OVGP1: variants seen among roughly 807,000 people sequenced by gnomAD.
OVGP1 encodes the protein oviductal glycoprotein 1, also known as oviduct-specific glycoprotein.
Under a neutral mutation model 48.2 loss-of-function variants are expected in OVGP1, and 26 were observed. The observed-to-expected ratio is 0.54, with a 90% CI of 0.40 to 0.75. The LOEUF is 0.75. Ranked by LOEUF, OVGP1 falls within the 30% of genes least tolerant of loss-of-function variation. The probability of loss-of-function intolerance (pLI) is 0.00; values close to 1 mark genes in which losing one functional copy is unlikely to be tolerated. For synonymous variants in OVGP1, 294 were observed against 305.7 expected, an observed-to-expected ratio of 0.96 and a Z score of 0.40; for missense variants, 791 against 820.6, an observed-to-expected ratio of 0.96 and a Z score of 0.44.
At chr1:111,425,244 G>A in intron 4 of OVGP1, 139 bp downstream of exon 4, 1 of 897,208 alleles carries the variant, frequency 1.1e-6, no homozygotes. Context: ...TGAGTGCAGG[G>A]GTCTAAGATT....
rs1379112726 is a variant in OVGP1 at position 111,425,448 on chromosome 1, TGA to T, written c.261-11_261-10del. ...TTTTCAGCTCTCTGTTCCTATGATG[TGA>T]GAGAGAGGGTTGATGAGCTGGGTTC... On this transcript the variant is annotated splice_polypyrimidine_tract_variant and intron_variant, in intron 3 of 10. Transcript: ENST00000369732. The T allele has an allele frequency of 2.5e-6, 4 of 1,613,938 alleles. No individual in the cohort carries two copies. Among genetic ancestry groups the T allele is most frequent in the Admixed American group, 1.7e-5 (1 of 59,996 alleles).
rs1652078142 is a variant in OVGP1 at position 111,414,738 on chromosome 1, T to A, written c.1763A>T (p.Gln588Leu). Residue 588 changes from glutamine to leucine, a missense_variant, in exon 11 of 11, where the codon CAG becomes CTG. Physicochemically the swap from Gln to Leu is moderately radical, Grantham distance 113. Transcript: ENST00000369732. ...ATTCTCCCCTCTTAAAGGCATAGTCTGCCCTTCAGGGGTGACTGATATGTT... is the reference window on the plus strand; with the variant it reads ...ATTCTCCCCTCTTAAAGGCATAGTCAGCCCTTCAGGGGTGACTGATATGTT... ...SRNISVTPEG[Q>L]TMPLRGENLT... 2 of 1,613,446 alleles carry A rather than the reference T, an allele frequency of 1.2e-6. No individual in the cohort carries two copies. The highest frequency in any genetic ancestry group is 1.7e-5 in the Admixed American group (1 of 59,998).
chr1:111,427,130 A>G, intron 1 of OVGP1, 39 bp from the exon 2 acceptor site: 1 of 1,613,782 alleles, frequency 6.2e-7, no homozygotes, highest in South Asian at 1.1e-5. Context: ...AGAGATTCAT[A>G]CCCTCACCAG....
chr1:111,421,890 G>C (rs1333264543), intron 6 of OVGP1, among the ~76,000 whole-genome samples: 1 of 152,190 alleles, frequency 6.6e-6, no homozygotes, highest in Non-Finnish European at 1.5e-5. Context: ...CATCCTGAGA[G>C]TACCTGTGGA....
chr1:111,415,044 G>A lies in OVGP1; in HGVS notation c.1457C>T (p.Ser486Phe), dbSNP rs930512117. 4.3e-6 allele frequency: 7 copies of A among 1,613,130 alleles called. No individual in the cohort carries two copies. Among genetic ancestry groups the A allele is most frequent in the Non-Finnish European group, 5.9e-6 (7 of 1,179,218 alleles). The change falls in exon 11 of 11, where the codon TCC becomes TTC. Residue 486 changes from serine (S) to phenylalanine (F), a missense_variant. By Grantham distance (155) the Ser-to-Phe change is radical. Transcript: ENST00000369732. ...CAGGGCCTTCTCTCCAGGGGTCATG[G>A]ACTGATGACCCACAGAAGTCATGGT... ...AMTMTSVGHQSMTPGEKALTP... is the reference protein window; with the variant it reads ...AMTMTSVGHQFMTPGEKALTP...
chr1:111,419,772 T>C, intron 8 of OVGP1, 46 bp from the exon 9 acceptor site: 2 of 1,123,018 alleles, frequency 1.8e-6, no homozygotes, highest in Non-Finnish European at 2.7e-6. Context: ...GCCATGGAGA[T>C]AAGCACCAAG....
Position 111,423,039 on chromosome 1 carries a change from C to T in OVGP1, c.496G>A (p.Ala166Thr), listed in dbSNP as rs1393286561. The T allele has an allele frequency of 6.2e-7, 1 of 1,613,910 alleles. No individual in the cohort carries two copies. The highest frequency in any genetic ancestry group is 1.3e-5 in the African/African-American group (1 of 74,898). Residue 166 changes from alanine (A) to threonine (T), a missense_variant, in exon 6 of 11, where the codon GCC becomes ACC. Coordinates refer to ENST00000369732, the MANE Select transcript of OVGP1 (RefSeq NM_002557.4). ...FLFLIEELLF[A>T]FRKEALLTMR... The stretch of plus-strand genomic sequence containing the variant: ...GTGAGCAGTGCCTCCTTCCGGAAGG[C>T]AAACAGGAGCTCCTAAGAGGAAAGA...
chr1:111,426,916 C>T, intron 2 of OVGP1, 146 bp downstream of exon 2: 1 of 1,551,276 alleles, frequency 6.4e-7, no homozygotes. Context: ...CAGCAGGTGA[C>T]CAAAAATCCT....
At chr1:111,421,811 C>T (rs1268056124) in intron 6 of OVGP1, 138 bp from the exon 7 acceptor site, 8 of 622,294 alleles carry the variant, frequency 1.3e-5, no homozygotes, top group Non-Finnish European at 2.3e-5. Context: ...GGGGCCTGCC[C>T]AGGCTGTGCT....
chr1:111,415,033 C>T lies in OVGP1; in HGVS notation c.1468G>A (p.Gly490Arg), dbSNP rs773627586. 3 of 1,613,872 alleles carry T rather than the reference C, an allele frequency of 1.9e-6. No homozygotes were observed. The South Asian group carries it at 3.3e-5, about 18-fold the overall frequency. The change falls in exon 11 of 11, where the codon GGA becomes AGA. Residue 490 changes from glycine (G) to arginine (R), a missense_variant. Gly to Arg is a moderately radical substitution (Grantham distance 125, BLOSUM62 -2). Coordinates refer to ENST00000369732, the MANE Select transcript of OVGP1 (RefSeq NM_002557.4). Reference protein sequence around the residue: ...TSVGHQSMTPGEKALTPVGHQ... With the variant: ...TSVGHQSMTPREKALTPVGHQ... ...CCCACAGGGGTCAGGGCCTTCTCTC[C>T]AGGGGTCATGGACTGATGACCCACA...
intron 3 of OVGP1, among the ~76,000 whole-genome samples, chr1:111,425,877 T>C (rs181421842): frequency 6.6e-6 from 1 of 152,296 alleles, no homozygotes; most frequent in Admixed American, 6.5e-5. Context: ...CATAGAACTT[T>C]TACTCTGCCC....
In OVGP1 at chr1:111,416,448, A is replaced by G. The variant is rs1157285171; in HGVS notation, c.1031T>C (p.Ile344Thr). ...AISFSYKAWF[I>T]RREHFGGAMV... The stretch of plus-strand genomic sequence containing the variant: ...GGCCCCCCCAAAATGCTCTCGCCTT[A>G]TAAACCATGCCTGTAAAAGTAACAG... The change falls in exon 10 of 11, where the codon ATA becomes ACA. Residue 344 changes from isoleucine to threonine, a missense_variant. Ile to Thr is a moderately conservative substitution (Grantham distance 89). Coordinates refer to ENST00000369732, the MANE Select transcript of OVGP1 (RefSeq NM_002557.4). 9.4e-6 allele frequency: 15 copies of G among 1,604,182 alleles called. No homozygotes were observed. Among genetic ancestry groups the G allele is most frequent in the Non-Finnish European group, 1.3e-5 (15 of 1,175,130 alleles).
At chr1:111,425,600 A>T (rs1652379811) in intron 3 of OVGP1, 161 bp from the exon 4 acceptor site, 1 of 1,304,430 alleles carries the variant, frequency 7.7e-7, no homozygotes, top group Admixed American at 2.1e-5. Context: ...AGAGATGATG[A>T]GCACAGGAGA....
At chr1:111,420,668 C>T (rs996041391) in intron 8 of OVGP1, among the ~76,000 whole-genome samples, 13 of 152,228 alleles carry the variant, frequency 8.5e-5, no homozygotes, top group Non-Finnish European at 1.6e-4. Flanking sequence ...GTATTGCCAC[C>T]TCTGGTGGTT....
chr1:111,423,146 A>G, intron 5 of OVGP1, 95 bp from the exon 6 acceptor site: 1 of 1,516,344 alleles, frequency 6.6e-7, no homozygotes. Flanking sequence ...TGAGCTCCTG[A>G]GCCAGGCTCT....
At chr1:111,422,899 C>T (rs530492273) in intron 6 of OVGP1, 28 bp downstream of exon 6, 2 of 1,613,300 alleles carry the variant, frequency 1.2e-6, no homozygotes, top group South Asian at 2.2e-5. Flanking sequence ...CACCAATGTC[C>T]TGCCCCACCA....
chr1:111,421,772 AC>A (rs1393583094), intron 6 of OVGP1, 99 bp from the exon 7 acceptor site: 3 of 743,724 alleles, frequency 4.0e-6, no homozygotes, highest in African/African-American at 3.4e-5. Context: ...GACATTGGTC[AC>A]CAGAGCTTCC....
At position 111,416,561 on chromosome 1, in the gene OVGP1, G is replaced by C. The variant is rs1480148245; in HGVS notation, c.1021-103C>G. ...GTCCCTCAGGAAGCAATGTAGCTGG[G>C]TGGTTAGGAGTGTAGCCAGCATTTG... On this transcript the variant is annotated intron_variant, in intron 9 of 10. Transcript: ENST00000369732. The C allele has an allele frequency of 1.2e-5, 12 of 970,716 alleles. No homozygotes were observed. In the East Asian group the frequency reaches 3.0e-4, roughly 24 times the overall value. 60.1% of individuals were successfully genotyped at this position (970,716 alleles called of 1,614,324 possible).
In OVGP1 at chr1:111,414,379, G is replaced by C; in HGVS notation, c.*85C>G. Reference sequence around the variant, plus strand: ...TTGGCCTATTCTGGTTTTGATGCCTGCTTTGCCCCGGGATGAGAAGGCTTC... The same window carrying C: ...TTGGCCTATTCTGGTTTTGATGCCTCCTTTGCCCCGGGATGAGAAGGCTTC... On this transcript the variant is annotated 3_prime_UTR_variant, in exon 11 of 11. Coordinates refer to ENST00000369732, the MANE Select transcript of OVGP1 (RefSeq NM_002557.4). 7.9e-7 allele frequency: 1 copy of C among 1,263,004 alleles called. No individual in the cohort carries two copies. The highest frequency in any genetic ancestry group is 1.1e-6 in the Non-Finnish European group (1 of 913,900). 78.2% of individuals were successfully genotyped at this position (1,263,004 alleles called of 1,614,324 possible).
Sources: gnomAD v4.1 joint callset for allele counts (sites outside exome capture counted in the v4.1 genomes callset) on GRCh38, gnomAD v4.1.1 for gene constraint, MANE v1.5 for transcripts, NCBI Gene and HGNC (gene_info 2026-07-23, HGNC 2026-07-21) for gene names.